TMEM108: variants seen among roughly 807,000 people sequenced by gnomAD.
The protein encoded by TMEM108 is cancer/testis antigen 124.
TMEM108 carries 12 observed loss-of-function variants against 35.1 expected under a neutral mutation model. That is an observed-to-expected ratio of 0.34 (90% CI 0.22 to 0.55). The LOEUF is 0.55. Among genes scored for constraint, TMEM108 ranks in the 20% least tolerant of loss-of-function variants. The pLI is 0.89. For missense variants in TMEM108, 680 were observed against 753.3 expected (o/e 0.90, Z 1.14); for synonymous variants, 287 against 308.6 (o/e 0.93, Z 0.73).
intron 2 of TMEM108, among the ~76,000 whole-genome samples, chr3:133,091,262 G>A (rs1479603139): frequency 6.6e-6 from 1 of 152,058 alleles, no homozygotes; most frequent in Non-Finnish European, 1.5e-5. Flanking sequence ...TTATTGTCCT[G>A]GCTTTTTCTG....
At chr3:133,118,079 TC>T (rs1944309290) in intron 2 of TMEM108, among the ~76,000 whole-genome samples, 1 of 151,186 alleles carries the variant, frequency 6.6e-6, no homozygotes, top group Admixed American at 6.6e-5. Context: ...CTCTAGGTTC[TC>T]TGATTTCTAG....
At chr3:133,164,764 T>A (rs554854468) in intron 2 of TMEM108, among the ~76,000 whole-genome samples, 1 of 152,312 alleles carries the variant, frequency 6.6e-6, no homozygotes, top group East Asian at 1.9e-4. Flanking sequence ...CTTGTGCACC[T>A]TAAATGATAG....
rs142313668 is a variant in TMEM108, at chr3:133,264,323, G to A, written c.40+34972G>A. ...GAGTCTCAAAAAAAAAAATTCACCCGAAGAAAGCTATCTATCATGCTATTT... is the reference window on the plus strand; with the variant it reads ...GAGTCTCAAAAAAAAAAATTCACCCAAAGAAAGCTATCTATCATGCTATTT... On this transcript the variant is annotated intron_variant, in intron 3 of 5. Transcript: ENST00000321871. Among the ~76,000 whole-genome samples, 121 of 151,838 alleles carry A rather than the reference G, an allele frequency of 8.0e-4. 1 individual carries two copies. The East Asian group carries it at 0.02, about 26-fold the overall frequency.
At chr3:133,288,394 C>G (rs1947014413) in intron 3 of TMEM108, among the ~76,000 whole-genome samples, 1 of 152,184 alleles carries the variant, frequency 6.6e-6, no homozygotes, top group South Asian at 2.1e-4. Context: ...GAAATCAGAC[C>G]AAGCTTGATG....
intron 4 of TMEM108, chr3:133,387,797 A>G: frequency 1.0e-6 from 1 of 974,856 alleles, no homozygotes; most frequent in Non-Finnish European, 1.2e-6. Flanking sequence ...CAAGTCATGC[A>G]AGTAATAGAT....
Position 133,396,047 on chromosome 3 carries a change from T to C in TMEM108, c.*61T>C. 1 of 1,211,424 alleles carries C rather than the reference T, an allele frequency of 8.3e-7. No individual in the cohort carries two copies. Among genetic ancestry groups the C allele is most frequent in the Non-Finnish European group, 1.1e-6 (1 of 949,852 alleles). The allele number at this position is 1,211,424 out of a possible 1,614,324, so 75.0% of individuals were successfully genotyped here. A position where few individuals can be genotyped will look rare whatever the true frequency, so the allele number is the denominator to read the frequency against. ...CGTCTCTAAATTATAAATATACAAA[T>C]ACATATATTATAAATATAACCTTTG... On this transcript the variant is annotated 3_prime_UTR_variant, in exon 6 of 6. Coordinates refer to ENST00000321871, the MANE Select transcript of TMEM108 (RefSeq NM_023943.4).
intron 2 of TMEM108, among the ~76,000 whole-genome samples, chr3:133,106,110 G>A (rs1035778662): frequency 6.6e-6 from 1 of 151,680 alleles, no homozygotes; most frequent in Admixed American, 6.6e-5. Flanking sequence ...GGAAGACTGT[G>A]GGGAATATGC....
At chr3:133,140,295 G>C (rs922726199) in intron 2 of TMEM108, among the ~76,000 whole-genome samples, 3 of 152,108 alleles carry the variant, frequency 2.0e-5, no homozygotes, top group Admixed American at 6.6e-5. Flanking sequence ...TAAACATCTT[G>C]AGTCTCTTCT....
At chr3:133,386,959 A>C in intron 4 of TMEM108, 1 of 964,656 alleles carries the variant, frequency 1.0e-6, no homozygotes, top group Non-Finnish European at 1.2e-6. Context: ...TGTGGGCTAA[A>C]TAAGCTTCAA....
intron 2 of TMEM108, among the ~76,000 whole-genome samples, chr3:133,174,719 G>A (rs1296849546): frequency 6.6e-6 from 1 of 152,152 alleles, no homozygotes; most frequent in Non-Finnish European, 1.5e-5. Flanking sequence ...AAACCACAAA[G>A]ATGGGGAAAA....
intron 2 of TMEM108, among the ~76,000 whole-genome samples, chr3:133,123,104 T>C (rs1220192680): frequency 2.6e-5 from 4 of 152,206 alleles, no homozygotes; most frequent in Admixed American, 2.0e-4. Context: ...TACGGATACA[T>C]ATATGGATTC....
chr3:133,386,573 A>G (rs1429143683), intron 4 of TMEM108: 1 of 1,481,290 alleles, frequency 6.8e-7, no homozygotes, highest in East Asian at 2.5e-5. Context: ...AACCCAAGAG[A>G]GCTTAATTCC....
intron 2 of TMEM108, among the ~76,000 whole-genome samples, chr3:133,153,243 T>C (rs568150629): frequency 6.6e-6 from 1 of 152,258 alleles, no homozygotes; most frequent in Non-Finnish European, 1.5e-5. Context: ...CTTAAATTTC[T>C]TTGGAGCAGA....
rs186302325 is a variant in TMEM108, at chr3:133,135,062, T to C, written c.-47+89042T>C. 4.8e-3 allele frequency among the ~76,000 whole-genome samples: 735 copies of C among 152,358 alleles called. 7 individuals are homozygous for C. Among genetic ancestry groups the C allele is most frequent in the African/African-American group, 0.017 (691 of 41,594 alleles). On this transcript the variant is annotated intron_variant, in intron 2 of 5. Coordinates refer to ENST00000321871, the MANE Select transcript of TMEM108 (RefSeq NM_023943.4). ...TTCCTCCACAAATTACACATTTTTC[T>C]TATAGTTTTAAACAATGTTTTTCTT...
At chr3:133,141,624 C>A (rs191373456) in intron 2 of TMEM108, among the ~76,000 whole-genome samples, 78 of 152,244 alleles carry the variant, frequency 5.1e-4, no homozygotes, top group Middle Eastern at 3.4e-3. Flanking sequence ...AGGGACTGAC[C>A]TGTGTGGTCT....
chr3:133,152,261 G>A (rs529869859), intron 2 of TMEM108, among the ~76,000 whole-genome samples: 1 of 152,302 alleles, frequency 6.6e-6, no homozygotes, highest in African/African-American at 2.4e-5. Flanking sequence ...GCAAACAATT[G>A]GTCTGCTGGG....
intron 2 of TMEM108, among the ~76,000 whole-genome samples, chr3:133,140,655 A>G (rs1576340726): frequency 6.6e-6 from 1 of 152,146 alleles, no homozygotes; most frequent in Non-Finnish European, 1.5e-5. Context: ...TTAAGTACCA[A>G]ATTGGTTGCC....
At chr3:133,291,587 G>GA (rs563963589) in intron 3 of TMEM108, among the ~76,000 whole-genome samples, 1 of 151,662 alleles carries the variant, frequency 6.6e-6, no homozygotes, top group Non-Finnish European at 1.5e-5. Context: ...CTACCAGTGA[G>GA]TTTTTTTTAA....
intron 1 of TMEM108, among the ~76,000 whole-genome samples, chr3:133,040,213 T>G (rs1446739506): frequency 1.3e-5 from 2 of 150,252 alleles, no homozygotes; most frequent in East Asian, 1.9e-4. Flanking sequence ...TTTGTTTTTT[T>G]TTTTTTTTGA....
Sources: allele counts gnomAD v4.1 joint callset (sites outside exome capture counted in the v4.1 genomes callset), GRCh38; gene constraint gnomAD v4.1.1; transcripts MANE v1.5; gene names NCBI Gene and HGNC (gene_info 2026-07-23, HGNC 2026-07-21).